Variants in LTA4H observed in about 807,000 individuals in gnomAD.
The protein encoded by LTA4H is leukotriene A4 hydrolase, also known as leukotriene A-4 hydrolase.
A neutral mutation model predicts 89.8 loss-of-function variants in LTA4H; 59 were observed. That is an observed-to-expected ratio of 0.66 (90% confidence interval 0.53 to 0.82). LTA4H has a LOEUF of 0.82. Ranked by LOEUF, LTA4H falls within the 40% of genes least tolerant of loss-of-function variation. The probability of loss-of-function intolerance (pLI) is 0.00; values close to 1 mark genes in which losing one functional copy is unlikely to be tolerated. For missense variants in LTA4H, 617 were observed against 727.0 expected (o/e 0.85, Z 1.74); for synonymous variants, 227 against 253.1 (o/e 0.90, Z 0.98).
At chr12:96,042,961 C>A (rs930466511) in intron 1 of LTA4H, among the ~76,000 whole-genome samples, 2 of 152,200 alleles carry the variant, frequency 1.3e-5, no homozygotes, top group South Asian at 2.1e-4. Context: ...ACCAGTCTTA[C>A]TGTGGCCACC....
intron 1 of LTA4H, among the ~76,000 whole-genome samples, chr12:96,041,992 T>G (rs1179474396): frequency 1.4e-5 from 2 of 145,006 alleles, no homozygotes; most frequent in South Asian, 4.4e-4. Flanking sequence ...TTTTCTTTTT[T>G]TTTTTTTTTT....
At chr12:96,031,219 T>A (rs1294564691) in intron 1 of LTA4H, among the ~76,000 whole-genome samples, 2 of 152,172 alleles carry the variant, frequency 1.3e-5, no homozygotes, top group Admixed American at 6.5e-5. Context: ...AGACTAAGGG[T>A]TCTAAAACAG....
intron 6 of LTA4H, 135 bp from the exon 7 acceptor site, chr12:96,019,375 A>T (rs1950424087): frequency 1.4e-6 from 1 of 693,840 alleles, no homozygotes; most frequent in Non-Finnish European, 2.4e-6. Context: ...GAAAGGGATG[A>T]GGTTACATGG....
intron 18 of LTA4H, among the ~76,000 whole-genome samples, 175 bp downstream of exon 18, chr12:96,002,785 G>T (rs928578764): frequency 9.9e-5 from 15 of 152,038 alleles, no homozygotes; most frequent in African/African-American, 3.4e-4. Context: ...TCTAAAAAGA[G>T]GAATGAAATT....
rs1269133729 is a variant in LTA4H at position 96,009,143 on chromosome 12, T to C, written c.1385A>G (p.Asp462Gly). 1.9e-6 allele frequency: 3 copies of C among 1,601,184 alleles called. No individual in the cohort carries two copies. The highest frequency in any genetic ancestry group is 2.6e-6 in the Non-Finnish European group (3 of 1,169,654). Residue 462 changes from aspartate (D) to glycine (G), a missense_variant, in exon 15 of 19, where the codon GAT becomes GGT. Coordinates refer to ENST00000228740, the MANE Select transcript of LTA4H (RefSeq NM_000895.3). Reference sequence around the variant, plus strand: ...AATACAAGCATTTGTCAGAGTCATATCATAACTGCAAAGATAAAGATTACA... The same window carrying C: ...AATACAAGCATTTGTCAGAGTCATACCATAACTGCAAAGATAAAGATTACA... Reference protein sequence around the residue: ...PGLPPIKPNYDMTLTNACIAL... With the variant: ...PGLPPIKPNYGMTLTNACIAL...
intron 14 of LTA4H, chr12:96,011,226 C>T (rs559491297): frequency 1.3e-5 from 2 of 152,320 alleles, no homozygotes; most frequent in South Asian, 4.1e-4. Flanking sequence ...TCCTAAACTT[C>T]CTGGAACTGT....
At position 96,018,885 on chromosome 12, in the gene LTA4H, T is replaced by C. The variant is rs147242667; in HGVS notation, c.730A>G (p.Ile244Val). 2.9e-4 allele frequency: 454 copies of C among 1,592,446 alleles called. No individual in the cohort carries two copies. Among genetic ancestry groups the C allele is most frequent in the Middle Eastern group, 5.0e-4 (3 of 5,980 alleles). ...EFSETESMLKIAEDLGGPYVW... is the reference protein window; with the variant it reads ...EFSETESMLKVAEDLGGPYVW... Reference sequence around the variant, plus strand: ...TACGGTCCTCCCAGATCTTCTGCTATTTTAAGCATAGATTCAGTCTGAAAA... The same window carrying C: ...TACGGTCCTCCCAGATCTTCTGCTACTTTAAGCATAGATTCAGTCTGAAAA... The change falls in exon 8 of 19, where the codon ATA (isoleucine) becomes GTA (valine). Residue 244 changes from isoleucine to valine, a missense_variant. By Grantham distance (29) the Ile-to-Val change is conservative. Coordinates refer to ENST00000228740, the MANE Select transcript of LTA4H (RefSeq NM_000895.3).
intron 2 of LTA4H, 189 bp from the exon 3 acceptor site, chr12:96,027,753 C>A (rs1950528351): frequency 2.7e-6 from 1 of 366,374 alleles, no homozygotes; most frequent in African/African-American, 2.1e-5. Flanking sequence ...AATTGCCAGC[C>A]TGTGGGTCCT....
At chr12:96,001,750 A>G (rs1029687788) in intron 18 of LTA4H, among the ~76,000 whole-genome samples, 10 of 152,178 alleles carry the variant, frequency 6.6e-5, no homozygotes, top group Non-Finnish European at 1.5e-5. Context: ...AGGACCTACC[A>G]TACAAAAGGT....
At chr12:96,015,917 A>G (rs1950367077) in intron 10 of LTA4H, among the ~76,000 whole-genome samples, 1 of 152,206 alleles carries the variant, frequency 6.6e-6, no homozygotes, top group African/African-American at 2.4e-5. Context: ...CTGCTCTTGC[A>G]TGTCCCTATG....
At chr12:96,010,556 T>C (rs745532327) in intron 14 of LTA4H, 3 of 152,178 alleles carry the variant, frequency 2.0e-5, no homozygotes, top group Non-Finnish European at 4.4e-5. Context: ...GGTACTATGT[T>C]GGAGGACATA....
At chr12:96,024,683 T>TG in intron 3 of LTA4H, 136 bp from the exon 4 acceptor site, 1 of 540,816 alleles carries the variant, frequency 1.8e-6, no homozygotes, top group Non-Finnish European at 3.3e-6. Flanking sequence ...TTTTTTTTTT[T>TG]TTGAGACGGA....
At chr12:96,002,309 T>TA (rs1950117602) in intron 18 of LTA4H, among the ~76,000 whole-genome samples, 1 of 152,238 alleles carries the variant, frequency 6.6e-6, no homozygotes, top group Non-Finnish European at 1.5e-5. Flanking sequence ...TGCCAAGTTT[T>TA]ATGATATTAT....
At chr12:96,033,387 T>C (rs949624861) in intron 1 of LTA4H, among the ~76,000 whole-genome samples, 2 of 152,202 alleles carry the variant, frequency 1.3e-5, no homozygotes, top group Non-Finnish European at 2.9e-5. Context: ...TTGCTGTTCA[T>C]ATATTAGAAA....
chr12:96,013,051 G>T, intron 14 of LTA4H, 137 bp downstream of exon 14: 1 of 639,810 alleles, frequency 1.6e-6, no homozygotes, highest in Non-Finnish European at 2.7e-6. Flanking sequence ...TCAGGGTTAA[G>T]GCCAAAACAC....
In LTA4H at chr12:96,015,709, T is replaced by G. The variant is rs1950364629; in HGVS notation, c.948-15A>C. 6 of 1,465,172 alleles carry G rather than the reference T, an allele frequency of 4.1e-6. No homozygotes were observed. In the Admixed American group the frequency reaches 8.8e-5, roughly 21 times the overall value. The allele number at this position is 1,465,172 out of a possible 1,614,324, so 90.8% of individuals were successfully genotyped here. A position where few individuals can be genotyped will look rare whatever the true frequency, so the allele number is the denominator to read the frequency against. Reference sequence around the variant, plus strand: ...CCTCATTTAACCTGAAAAAAAAATATTTTAATAAAAACACGGACACAGCTG... The same window carrying G: ...CCTCATTTAACCTGAAAAAAAAATAGTTTAATAAAAACACGGACACAGCTG... On this transcript the variant is annotated splice_polypyrimidine_tract_variant and intron_variant, in intron 10 of 18. Transcript: ENST00000228740.
chr12:96,016,034 C>T (rs1273275442), intron 10 of LTA4H, among the ~76,000 whole-genome samples: 1 of 152,204 alleles, frequency 6.6e-6, no homozygotes, highest in Non-Finnish European at 1.5e-5. Flanking sequence ...TCCTTGTTGG[C>T]CGGGCATGGT....
intron 6 of LTA4H, among the ~76,000 whole-genome samples, chr12:96,019,964 G>A (rs888717356): frequency 6.7e-6 from 1 of 149,964 alleles, no homozygotes; most frequent in Non-Finnish European, 1.5e-5. Flanking sequence ...AGTACAGAGG[G>A]GCCATCACAG....
chr12:96,015,107 A>T (rs544089105), intron 11 of LTA4H, 108 bp from the exon 12 acceptor site: 3 of 994,426 alleles, frequency 3.0e-6, no homozygotes, highest in African/African-American at 3.3e-5. Flanking sequence ...CTTTAGGGGA[A>T]TCTAAAACTT....
Sources: gnomAD v4.1 joint callset for allele counts (sites outside exome capture counted in the v4.1 genomes callset) on GRCh38, gnomAD v4.1.1 for gene constraint, MANE v1.5 for transcripts, NCBI Gene and HGNC (gene_info 2026-07-23, HGNC 2026-07-21) for gene names.